Variants in DKK2 observed in about 807,000 individuals in gnomAD.
The protein encoded by DKK2 is dickkopf Wnt signaling pathway inhibitor 2.
Under a neutral mutation model 28.1 loss-of-function variants are expected in DKK2, and 11 were observed. The ratio of observed to expected loss-of-function variants is 0.39; its 90% CI spans 0.25 to 0.65. The LOEUF (loss-of-function observed/expected upper bound fraction) is 0.65, where lower values mean the gene tolerates loss of function less well. Among genes scored for constraint, DKK2 ranks in the 30% least tolerant of loss-of-function variants. The probability of loss-of-function intolerance (pLI) is 0.47; values close to 1 mark genes in which losing one functional copy is unlikely to be tolerated. For missense variants in DKK2, 326 were observed against 335.5 expected (o/e 0.97, Z 0.22); for synonymous variants, 135 against 126.5 (o/e 1.07, Z -0.45).
intron 1 of DKK2, among the ~76,000 whole-genome samples, chr4:106,938,443 C>T (rs533000146): frequency 7.9e-5 from 12 of 152,220 alleles, no homozygotes; most frequent in African/African-American, 2.9e-4. Context: ...TCTGAATAGA[C>T]CAATAACAGG....
At chr4:106,925,742 A>G (rs1724415163) in intron 2 of DKK2, 57 bp downstream of exon 2, 1 of 1,531,428 alleles carries the variant, frequency 6.5e-7, no homozygotes, top group Admixed American at 2.1e-5. Flanking sequence ...GACTTGAGAG[A>G]CAGGCTTATG....
intron 1 of DKK2, among the ~76,000 whole-genome samples, chr4:106,974,460 C>T (rs1400946856): frequency 1.3e-5 from 2 of 152,114 alleles, no homozygotes; most frequent in Non-Finnish European, 2.9e-5. Flanking sequence ...CCTTCACATC[C>T]CTTGTAAGTT....
At chr4:106,977,584 C>T (rs1722963810) in intron 1 of DKK2, among the ~76,000 whole-genome samples, 1 of 152,106 alleles carries the variant, frequency 6.6e-6, no homozygotes, top group African/African-American at 2.4e-5. Context: ...TGTTTTTCAG[C>T]TCTATCAGGT....
chr4:106,958,451 G>A (rs1257102971), intron 1 of DKK2, among the ~76,000 whole-genome samples: 1 of 152,032 alleles, frequency 6.6e-6, no homozygotes, highest in East Asian at 1.9e-4. Flanking sequence ...TAGTCCTGCT[G>A]TACTGAATAT....
chr4:106,942,665 TAAG>T (rs1419871120), intron 1 of DKK2, among the ~76,000 whole-genome samples: 2 of 152,106 alleles, frequency 1.3e-5, no homozygotes, highest in Admixed American at 6.6e-5. Flanking sequence ...TTTTGGGTAA[TAAG>T]AAGTCTAGGC....
At chr4:107,010,188 G>T (rs1723496922) in intron 1 of DKK2, among the ~76,000 whole-genome samples, 1 of 151,650 alleles carries the variant, frequency 6.6e-6, no homozygotes, top group Non-Finnish European at 1.5e-5. Flanking sequence ...TATACTCATA[G>T]TATGTGATTT....
rs1723948532 is a variant in DKK2, at chr4:107,035,451, A to G, written c.141T>C (p.Pro47=). 4.3e-6 allele frequency: 7 copies of G among 1,614,140 alleles called. No homozygotes were observed. Among genetic ancestry groups the G allele is most frequent in the African/African-American group, 4.0e-5 (3 of 75,018 alleles). ...CCGCAGATCGATTGGCGGCCTGACC[A>G]GGCGTCTCCCCGCCCAGAGAGGACT... is the stretch of plus-strand genomic sequence containing the variant. The part of the protein sequence containing the change: ...SIKSSLGGET[P]GQAANRSAGM... The change falls in exon 1 of 4, where the codon CCT becomes CCC. Residue 47 remains proline, a synonymous_variant. Transcript: ENST00000285311.
rs1459370362 is a variant in DKK2 at position 106,924,266 on chromosome 4, G to T, written c.530-62C>A. On this transcript the variant is annotated intron_variant, in intron 3 of 3. Transcript: ENST00000285311. The stretch of plus-strand genomic sequence containing the variant: ...CTTCAGAAAAAAAAAATTCTATTTT[G>T]CAATCAGAAGCACATAAAATATTTT... 4.5e-6 allele frequency: 7 copies of T among 1,564,276 alleles called. No homozygotes were observed. The African/African-American group carries it at 9.6e-5, about 22-fold the overall frequency.
chr4:106,957,911 A>T lies in DKK2; in HGVS notation c.223-31962T>A, dbSNP rs946731772. 4.0e-5 allele frequency among the ~76,000 whole-genome samples: 6 copies of T among 150,648 alleles called. 1 individual carries two copies. The highest frequency in any genetic ancestry group is 1.5e-4 in the African/African-American group (6 of 41,134). ...TAAAACTTAAAGTATAATAATAATT[A>T]AAATTAATTAATTAATTAATTAATT... On this transcript the variant is annotated intron_variant, in intron 1 of 3. Coordinates refer to ENST00000285311, the MANE Select transcript of DKK2 (RefSeq NM_014421.3).
At chr4:107,020,655 G>T (rs987732138) in intron 1 of DKK2, among the ~76,000 whole-genome samples, 17 of 152,056 alleles carry the variant, frequency 1.1e-4, no homozygotes, top group Admixed American at 8.5e-4. Context: ...TAAATACGTT[G>T]TAGAATAATT....
At chr4:106,960,135 C>CACACACATATATATACATATAT (rs957406431) in intron 1 of DKK2, among the ~76,000 whole-genome samples, 1 of 140,050 alleles carries the variant, frequency 7.1e-6, no homozygotes, top group South Asian at 2.2e-4. Flanking sequence ...TATATATACA[C>CACACACATATATATACATATAT]ACACACATAT....
intron 1 of DKK2, among the ~76,000 whole-genome samples, chr4:106,938,825 G>A (rs1175927329): frequency 6.6e-6 from 1 of 151,348 alleles, no homozygotes; most frequent in East Asian, 1.9e-4. Flanking sequence ...ATCAATAAAT[G>A]TAATCCAGCA....
At chr4:106,958,551 G>T (rs993905220) in intron 1 of DKK2, among the ~76,000 whole-genome samples, 2 of 151,994 alleles carry the variant, frequency 1.3e-5, no homozygotes, top group Non-Finnish European at 2.9e-5. Flanking sequence ...TATATCCAAA[G>T]TGCTGGGATT....
intron 1 of DKK2, among the ~76,000 whole-genome samples, chr4:106,968,065 A>G (rs1578361354): frequency 6.7e-6 from 1 of 150,288 alleles, no homozygotes; most frequent in African/African-American, 2.5e-5. Context: ...GAATGAAGAA[A>G]GGGGGAGAGA....
chr4:106,962,691 G>C (rs1365851471), intron 1 of DKK2, among the ~76,000 whole-genome samples: 1 of 152,016 alleles, frequency 6.6e-6, no homozygotes, highest in Non-Finnish European at 1.5e-5. Context: ...CAAGACATTT[G>C]TCTGGGCACA....
intron 1 of DKK2, among the ~76,000 whole-genome samples, chr4:106,997,712 A>G (rs898971817): frequency 3.9e-5 from 6 of 152,230 alleles, no homozygotes; most frequent in Admixed American, 1.3e-4. Context: ...TTTCTTTTCA[A>G]TAATATCCAG....
chr4:106,943,273 T>C (rs1424218303), intron 1 of DKK2, among the ~76,000 whole-genome samples: 1 of 152,128 alleles, frequency 6.6e-6, no homozygotes, highest in South Asian at 2.1e-4. Context: ...GCCCTACCTA[T>C]ACTCTTTGAG....
chr4:107,014,608 G>A (rs1395055213), intron 1 of DKK2, among the ~76,000 whole-genome samples: 2 of 151,384 alleles, frequency 1.3e-5, no homozygotes, highest in African/African-American at 4.8e-5. Flanking sequence ...TAATAACAAT[G>A]CATAGTATAT....
At chr4:106,953,781 C>A (rs1383396008) in intron 1 of DKK2, among the ~76,000 whole-genome samples, 4 of 152,176 alleles carry the variant, frequency 2.6e-5, no homozygotes, top group East Asian at 3.8e-4. Flanking sequence ...ATAGATCTTG[C>A]AGCACAATCC....
Sources: gnomAD v4.1 joint callset for allele counts (sites outside exome capture counted in the v4.1 genomes callset) on GRCh38, gnomAD v4.1.1 for gene constraint, MANE v1.5 for transcripts, NCBI Gene and HGNC (gene_info 2026-07-23, HGNC 2026-07-21) for gene names.